Variants in ABHD5 observed in about 807,000 individuals in gnomAD.
ABHD5 encodes abhydrolase domain containing 5, lysophosphatidic acid acyltransferase.
A neutral mutation model predicts 44.9 loss-of-function variants in ABHD5; 30 were observed. That is an observed-to-expected ratio of 0.67 (90% confidence interval 0.50 to 0.91). The LOEUF is 0.91. Among genes scored for constraint, ABHD5 ranks in the 40% least tolerant of loss-of-function variants. The pLI is 0.00. For synonymous variants in ABHD5, 167 were observed against 147.0 expected, an observed-to-expected ratio of 1.14 and a Z score of -0.99; for missense variants, 399 against 423.4, an observed-to-expected ratio of 0.94 and a Z score of 0.50.
intron 1 of ABHD5, among the ~76,000 whole-genome samples, chr3:43,692,969 C>A (rs1044315747): frequency 6.6e-6 from 1 of 152,086 alleles, no homozygotes; most frequent in African/African-American, 2.4e-5. Flanking sequence ...GAATATGATT[C>A]TTGTCCTTTG....
intron 7 of ABHD5, among the ~76,000 whole-genome samples, chr3:43,731,250 C>T (rs1046010447): frequency 6.6e-6 from 1 of 152,166 alleles, no homozygotes; most frequent in African/African-American, 2.4e-5. Context: ...TTCCAAGGAT[C>T]GTTCGCTAAA....
Position 43,691,053 on chromosome 3 carries a change from G to A in ABHD5, c.47+14G>A. On this transcript the variant is annotated intron_variant, in intron 1 of 6. Coordinates refer to ENST00000644371, the MANE Select transcript of ABHD5 (RefSeq NM_016006.6). ...CACCGGAGAGAGGTAAGCGCAGCCG[G>A]CAGGGGGCTTCGTGTGTCTCCGGCG... The A allele has an allele frequency of 6.5e-7, 1 of 1,545,826 alleles. No homozygotes were observed. Among genetic ancestry groups the A allele is most frequent in the Non-Finnish European group, 8.7e-7 (1 of 1,147,270 alleles).
At chr3:43,732,266 A>G (rs1697249021) in intron 7 of ABHD5, among the ~76,000 whole-genome samples, 1 of 152,092 alleles carries the variant, frequency 6.6e-6, no homozygotes, top group African/African-American at 2.4e-5. Context: ...CCTTGTCTCT[A>G]CTAAAAATAC....
chr3:43,715,925 C>T (rs1202966821), intron 5 of ABHD5, among the ~76,000 whole-genome samples: 1 of 152,094 alleles, frequency 6.6e-6, no homozygotes, highest in Non-Finnish European at 1.5e-5. Flanking sequence ...TCCTGAACAA[C>T]TCTAAAGATC....
chr3:43,691,070 T>C, intron 1 of ABHD5, 31 bp downstream of exon 1: 1 of 1,522,238 alleles, frequency 6.6e-7, no homozygotes. Context: ...GCTTCGTGTG[T>C]CTCCGGCGCG....
At chr3:43,715,083 C>CCCTGTGTGTGTGTGTGTGTG (rs1559417824) in intron 5 of ABHD5, 25 bp downstream of exon 5, 2 of 1,230,238 alleles carry the variant, frequency 1.6e-6, no homozygotes, top group African/African-American at 4.4e-5. Flanking sequence ...TCTCAATTCA[C>CCCTGTGTGTGTGTGTGTGTG]TCTGTGTGTG....
In ABHD5 at chr3:43,702,283, T is replaced by C. The variant is rs115209685; in HGVS notation, c.202T>C (p.Phe68Leu). The C allele has an allele frequency of 7.7e-4, 1,231 of 1,601,420 alleles. 8 individuals carry two copies. The African/African-American group carries it at 0.015, about 19-fold the overall frequency. The change falls in exon 3 of 7, where the codon TTC (phenylalanine) becomes CTC (leucine). Residue 68 changes from phenylalanine (F) to leucine (L), a missense_variant. Transcript: ENST00000644371. ...TGGAAATAAAATATGGACACTGAAG[T>C]TCTCTCATAATATTTCAAATAAGAC... ...SNGNKIWTLK[F>L]SHNISNKTPL...
At position 43,720,581 on chromosome 3, in the gene ABHD5, T is replaced by G. The variant is rs766039497; in HGVS notation, c.*2049T>G. On this transcript the variant is annotated 3_prime_UTR_variant, in exon 7 of 7. Transcript: ENST00000644371. ...GAAGGGAAGTTCACAATCCTCACAT[T>G]TAAAAAAATATAGTGGGTGCTAAAT... The G allele has an allele frequency of 2.6e-5, 4 of 152,208 alleles. No individual in the cohort carries two copies. The highest frequency in any genetic ancestry group is 6.5e-5 in the Admixed American group (1 of 15,276). The allele number at this position is 152,208 out of a possible 1,614,324, so 9.4% of individuals were successfully genotyped here. A position where few individuals can be genotyped will look rare whatever the true frequency, so the allele number is the denominator to read the frequency against.
In ABHD5 at chr3:43,702,380, C is replaced by G. The variant is rs1283756417; in HGVS notation, c.299C>G (p.Thr100Ser). The G allele has an allele frequency of 3.1e-6, 5 of 1,614,068 alleles. No individual in the cohort carries two copies. In the Admixed American group the frequency reaches 8.3e-5, roughly 27 times the overall value. ...LWALNFGDLC[T>S]NRPVYAFDLL... Reference sequence around the variant, plus strand: ...GCACTGAATTTTGGAGATCTTTGCACCAACAGACCTGTCTATGCTTTTGAC... The same window carrying G: ...GCACTGAATTTTGGAGATCTTTGCAGCAACAGACCTGTCTATGCTTTTGAC... Residue 100 changes from threonine (T) to serine (S), a missense_variant, in exon 3 of 7, where the codon ACC becomes AGC. Thr to Ser is a moderately conservative substitution (Grantham distance 58). Transcript: ENST00000644371.
At chr3:43,715,501 C>G (rs942114694) in intron 5 of ABHD5, among the ~76,000 whole-genome samples, 1 of 152,090 alleles carries the variant, frequency 6.6e-6, no homozygotes, top group African/African-American at 2.4e-5. Context: ...AGATTTGTAT[C>G]AGTAGTTAAA....
intron 7 of ABHD5, among the ~76,000 whole-genome samples, chr3:43,728,544 T>G (rs1356063209): frequency 6.6e-6 from 1 of 152,174 alleles, no homozygotes; most frequent in Non-Finnish European, 1.5e-5. Context: ...AAAGGAGGAA[T>G]TTGGAAATAA....
intron 4 of ABHD5, among the ~76,000 whole-genome samples, chr3:43,714,153 G>C: frequency 4.3e-5 from 2 of 46,348 alleles, no homozygotes; most frequent in South Asian, 1.2e-3. Context: ...TTTTTTTTTT[G>C]AGACGGAGTC....
intron 5 of ABHD5, 41 bp from the exon 6 acceptor site, chr3:43,717,630 C>A: frequency 6.2e-7 from 1 of 1,606,760 alleles, no homozygotes; most frequent in Non-Finnish European, 8.5e-7. Context: ...CATACTCATT[C>A]CCAAAAATCA....
chr3:43,729,668 TTGTC>T (rs2084900817), intron 7 of ABHD5, among the ~76,000 whole-genome samples: 1 of 152,188 alleles, frequency 6.6e-6, no homozygotes, highest in South Asian at 2.1e-4. Flanking sequence ...GGTAGATAAT[TTGTC>T]TAGCCAAGTT....
intron 3 of ABHD5, among the ~76,000 whole-genome samples, chr3:43,706,049 G>C (rs2084614558): frequency 6.6e-6 from 1 of 152,116 alleles, no homozygotes; most frequent in African/African-American, 2.4e-5. Context: ...CTCATATTAA[G>C]TTATGTTTAG....
intron 3 of ABHD5, among the ~76,000 whole-genome samples, chr3:43,709,944 G>C (rs536753096): frequency 6.6e-6 from 1 of 152,308 alleles, no homozygotes; most frequent in African/African-American, 2.4e-5. Context: ...TCAGGAGACT[G>C]AGGCAGGAGA....
chr3:43,703,549 T>A (rs1031664731), intron 3 of ABHD5, among the ~76,000 whole-genome samples: 20 of 152,282 alleles, frequency 1.3e-4, no homozygotes, highest in Middle Eastern at 3.4e-3. Context: ...CACATTTAAG[T>A]GCTAAGAAAA....
chr3:43,724,273 G>C (rs2084863410), downstream of ABHD5, among the ~76,000 whole-genome samples: 1 of 152,138 alleles, frequency 6.6e-6, no homozygotes, highest in Admixed American at 6.6e-5. Context: ...TAACGCAGCA[G>C]AAAGCAGGAA....
intron 1 of ABHD5, among the ~76,000 whole-genome samples, chr3:43,693,713 C>G (rs2084432216): frequency 6.7e-6 from 1 of 149,960 alleles, no homozygotes; most frequent in Admixed American, 6.6e-5. Flanking sequence ...TTTATCTTAC[C>G]TTACCTGACC....
Sources: allele counts gnomAD v4.1 joint callset (sites outside exome capture counted in the v4.1 genomes callset), GRCh38; gene constraint gnomAD v4.1.1; transcripts MANE v1.5; gene names NCBI Gene and HGNC (gene_info 2026-07-23, HGNC 2026-07-21).